The following ASB3 variants were observed in gnomAD, a reference collection of about 807,000 sequenced individuals.
The protein encoded by ASB3 is ankyrin repeat and SOCS box containing 3, also known as ankyrin repeat and SOCS box protein 3.
In ASB3, 41 loss-of-function variants were observed where a neutral mutation model predicts 54.5. That is an observed-to-expected ratio of 0.75 (90% CI 0.59 to 0.98). The LOEUF is 0.98. ASB3 is among the 50% of genes least tolerant of loss of function. The probability of loss-of-function intolerance (pLI) is 0.00; values close to 1 mark genes in which losing one functional copy is unlikely to be tolerated. For missense variants in ASB3, 733 were observed against 620.0 expected, an observed-to-expected ratio of 1.18 and a Z score of -1.94; for synonymous variants, 266 against 221.2, an observed-to-expected ratio of 1.20 and a Z score of -1.80.
chr2:53,716,590 G>C lies in ASB3; in HGVS notation c.758C>G (p.Ala253Gly). 4 of 1,613,494 alleles carry C rather than the reference G, an allele frequency of 2.5e-6. No individual in the cohort carries two copies. The highest frequency in any genetic ancestry group is 3.4e-6 in the Non-Finnish European group (4 of 1,179,666). Residue 253 changes from alanine (A) to glycine (G), a missense_variant, in exon 6 of 10, where the codon GCA becomes GGA. Coordinates refer to ENST00000263634, the MANE Select transcript of ASB3 (RefSeq NM_016115.5). Reference protein sequence around the residue: ...NEDSWQLPIHAAAQMGHTKIL... With the variant: ...NEDSWQLPIHGAAQMGHTKIL... ...CTTTGTATGGCCCATTTGTGCAGCTGCATGAATAGGTAACTGCCAACTGTC... is the reference window on the plus strand; with the variant it reads ...CTTTGTATGGCCCATTTGTGCAGCTCCATGAATAGGTAACTGCCAACTGTC...
chr2:53,693,267 TC>T (rs1480916968), intron 9 of ASB3, among the ~76,000 whole-genome samples: 2 of 152,164 alleles, frequency 1.3e-5, no homozygotes, highest in Non-Finnish European at 2.9e-5. Flanking sequence ...TGCAAAATCT[TC>T]CCCCACTGTG....
At chr2:53,691,073 G>A (rs1197914703) in intron 9 of ASB3, among the ~76,000 whole-genome samples, 3 of 152,166 alleles carry the variant, frequency 2.0e-5, no homozygotes, top group Non-Finnish European at 4.4e-5. Flanking sequence ...AGAGGCACTT[G>A]ATTAAAAGAT....
rs548219310 is a variant in ASB3, at chr2:53,718,661, T to C, written c.605-1918A>G. On this transcript the variant is annotated intron_variant, in intron 5 of 9. Coordinates refer to ENST00000263634, the MANE Select transcript of ASB3 (RefSeq NM_016115.5). ...TTAATAATAGGATCAAAACCTCACA[T>C]ATCAATATTAACCTTGAATGTAAAG... 2.0e-5 allele frequency among the ~76,000 whole-genome samples: 3 copies of C among 151,972 alleles called. No homozygotes were observed. The East Asian group carries it at 5.8e-4, about 29-fold the overall frequency.
chr2:53,688,864 C>A (rs1012231487), intron 9 of ASB3, among the ~76,000 whole-genome samples: 1 of 151,820 alleles, frequency 6.6e-6, no homozygotes, highest in Non-Finnish European at 1.5e-5. Flanking sequence ...AGCAAACCAC[C>A]AGAGCACGTG....
intron 7 of ASB3, among the ~76,000 whole-genome samples, chr2:53,702,057 A>G (rs2103772453): frequency 6.6e-6 from 1 of 152,338 alleles, no homozygotes; most frequent in East Asian, 1.9e-4. Flanking sequence ...TTAATCCCAT[A>G]TAATATCTAT....
chr2:53,701,701 A>G (rs1010651402), intron 7 of ASB3, among the ~76,000 whole-genome samples: 6 of 152,226 alleles, frequency 3.9e-5, no homozygotes, highest in African/African-American at 1.4e-4. Context: ...ACAATGTGTT[A>G]GTTACATTTC....
chr2:53,691,312 A>C (rs1291521141), intron 9 of ASB3, among the ~76,000 whole-genome samples: 1 of 152,192 alleles, frequency 6.6e-6, no homozygotes, highest in Non-Finnish European at 1.5e-5. Flanking sequence ...CAGGACTTGA[A>C]AAGGGCTCAA....
Position 53,781,650 on chromosome 2 carries a change from C to A in ASB3, c.-14+5171G>T, listed in dbSNP as rs561808173. 8.8e-4 allele frequency among the ~76,000 whole-genome samples: 134 copies of A among 152,232 alleles called. No individual in the cohort carries two copies. The Middle Eastern group carries it at 0.014, about 15-fold the overall frequency. On this transcript the variant is annotated intron_variant, in intron 1 of 9. Transcript: ENST00000263634. ...AGCTGAGATTACAGGCATGAGCCAC[C>A]ACGCCTGTCTAATTTTCTATTTTCA...
At chr2:53,725,213 T>C (rs573528646) in intron 5 of ASB3, among the ~76,000 whole-genome samples, 2 of 152,314 alleles carry the variant, frequency 1.3e-5, no homozygotes, top group Admixed American at 1.3e-4. Flanking sequence ...ATGTTCTTAC[T>C]TATAAGTGGA....
At chr2:53,725,611 G>T in intron 5 of ASB3, among the ~76,000 whole-genome samples, 1 of 152,136 alleles carries the variant, frequency 6.6e-6, no homozygotes, top group East Asian at 1.9e-4. Context: ...TGCTACATAT[G>T]ATGTTGTTAC....
rs766185188 is a variant in ASB3 at position 53,750,930 on chromosome 2, T to C, written c.208A>G (p.Asn70Asp). ...TCAAAGGTCTTCATCTTAATGTAGT[T>C]TTCAGATGAATCTGTGGAAGAATCA... is the stretch of plus-strand genomic sequence containing the variant. ...QMLINADSSE[N>D]YIKMKTFEGF... The change falls in exon 3 of 10, where the codon AAC becomes GAC. Residue 70 changes from asparagine (N) to aspartate (D), a missense_variant. Transcript: ENST00000263634. 2 of 1,558,112 alleles carry C rather than the reference T, an allele frequency of 1.3e-6. No individual in the cohort carries two copies. Among genetic ancestry groups the C allele is most frequent in the South Asian group, 1.3e-5 (1 of 78,264 alleles).
At chr2:53,728,545 C>T (rs910938050) in intron 5 of ASB3, among the ~76,000 whole-genome samples, 167 bp downstream of exon 5, 1 of 152,136 alleles carries the variant, frequency 6.6e-6, no homozygotes, top group Non-Finnish European at 1.5e-5. Flanking sequence ...GTAATAGATA[C>T]TTAATAACCA....
At chr2:53,704,634 G>A (rs2103785442) in intron 7 of ASB3, among the ~76,000 whole-genome samples, 1 of 152,038 alleles carries the variant, frequency 6.6e-6, no homozygotes, top group Middle Eastern at 3.4e-3. Context: ...TCATTTTCTT[G>A]CTTAATTGGA....
chr2:53,745,971 GACT>G (rs1672200050), intron 3 of ASB3, among the ~76,000 whole-genome samples: 1 of 152,068 alleles, frequency 6.6e-6, no homozygotes, highest in African/African-American at 2.4e-5. Context: ...TTCCATTATA[GACT>G]GAAGCAGGAA....
chr2:53,680,033 G>A (rs1668281753), intron 9 of ASB3, among the ~76,000 whole-genome samples: 1 of 152,074 alleles, frequency 6.6e-6, no homozygotes, highest in Admixed American at 6.6e-5. Context: ...TAAGGATAAT[G>A]GCCTCCAGCT....
intron 1 of ASB3, among the ~76,000 whole-genome samples, chr2:53,777,044 T>C (rs1674378457): frequency 6.6e-6 from 1 of 152,216 alleles, no homozygotes; most frequent in African/African-American, 2.4e-5. Flanking sequence ...AATACTATAT[T>C]TCAGTTTCAT....
chr2:53,729,304 A>G (rs960846645), intron 4 of ASB3, among the ~76,000 whole-genome samples, 154 bp downstream of exon 4: 9 of 152,220 alleles, frequency 5.9e-5, no homozygotes, highest in African/African-American at 2.2e-4. Context: ...TGGCTGATTC[A>G]GAATCATCAT....
chr2:53,758,179 G>C (rs1242288008), intron 2 of ASB3, among the ~76,000 whole-genome samples: 1 of 152,196 alleles, frequency 6.6e-6, no homozygotes, highest in African/African-American at 2.4e-5. Context: ...CTTGTTGTCA[G>C]TGTAAACAAG....
chr2:53,748,714 A>G (rs536896212), intron 3 of ASB3, among the ~76,000 whole-genome samples: 1 of 152,178 alleles, frequency 6.6e-6, no homozygotes, highest in East Asian at 1.9e-4. Context: ...AAAAGTTAAA[A>G]TCATAAAAGA....
Sources: gnomAD v4.1 joint callset for allele counts (sites outside exome capture counted in the v4.1 genomes callset) on GRCh38, gnomAD v4.1.1 for gene constraint, MANE v1.5 for transcripts, NCBI Gene and HGNC (gene_info 2026-07-23, HGNC 2026-07-21) for gene names.